Variants in KALRN observed in about 807,000 individuals in gnomAD.
KALRN encodes the protein kalirin RhoGEF kinase.
A neutral mutation model predicts 353.7 loss-of-function variants in KALRN; 70 were observed. The ratio of observed to expected loss-of-function variants is 0.20; its 90% CI spans 0.16 to 0.24. The LOEUF (loss-of-function observed/expected upper bound fraction) is 0.24. Ranked by LOEUF, KALRN falls within the 10% of genes least tolerant of loss-of-function variation. The probability of loss-of-function intolerance (pLI) is 1.00; values close to 1 mark genes in which losing one functional copy is unlikely to be tolerated. For missense variants in KALRN, 2,791 were observed against 3,756.7 expected (o/e 0.74, Z 6.72); for synonymous variants, 1,391 against 1,434.8 (o/e 0.97, Z 0.69).
chr3:124,197,557 A>T (rs182575389), intron 1 of KALRN, among the ~76,000 whole-genome samples: 25 of 152,286 alleles, frequency 1.6e-4, no homozygotes, highest in African/African-American at 5.3e-4. Context: ...GTGGGCAAGA[A>T]CTTTCCCACA....
chr3:124,614,760 C>T (rs1471976054), intron 34 of KALRN, among the ~76,000 whole-genome samples: 1 of 152,004 alleles, frequency 6.6e-6, no homozygotes, highest in African/African-American at 2.4e-5. Flanking sequence ...TTGGTAGGGA[C>T]AGGGTCTCAC....
intron 34 of KALRN, among the ~76,000 whole-genome samples, chr3:124,586,906 T>A (rs985176955): frequency 2.6e-5 from 4 of 151,994 alleles, no homozygotes; most frequent in African/African-American, 9.7e-5. Context: ...GTGTCTGAGG[T>A]GTTGGGCATG....
At chr3:124,594,945 TTCTTTC>T (rs1438642663) in intron 34 of KALRN, among the ~76,000 whole-genome samples, 1 of 152,082 alleles carries the variant, frequency 6.6e-6, no homozygotes, top group African/African-American at 2.4e-5. Flanking sequence ...TTTTTTCTTT[TTCTTTC>T]CTTTTTTTAA....
At chr3:124,716,252 G>A (rs143897196) in intron 58 of KALRN, among the ~76,000 whole-genome samples, 1 of 152,300 alleles carries the variant, frequency 6.6e-6, no homozygotes, top group East Asian at 1.9e-4. Flanking sequence ...AGCCGGGCAC[G>A]CTGGCTCATG....
chr3:124,188,230 A>G (rs1425353318), intron 1 of KALRN, among the ~76,000 whole-genome samples: 2 of 152,210 alleles, frequency 1.3e-5, no homozygotes, highest in East Asian at 1.9e-4. Context: ...CAGAGACTCT[A>G]TTCAGTAGGT....
chr3:124,169,384 G>T (rs1421511191), intron 1 of KALRN, among the ~76,000 whole-genome samples: 1 of 152,112 alleles, frequency 6.6e-6, no homozygotes, highest in Non-Finnish European at 1.5e-5. Flanking sequence ...CTCCCTACAG[G>T]GTAAGGGCTC....
intron 17 of KALRN, among the ~76,000 whole-genome samples, chr3:124,436,276 G>A (rs535063657): frequency 1.3e-5 from 2 of 152,260 alleles, no homozygotes; most frequent in East Asian, 1.9e-4. Flanking sequence ...CCTTGCCGAA[G>A]GTTACTTTAC....
At chr3:124,540,268 T>C (rs1196994769) in intron 33 of KALRN, among the ~76,000 whole-genome samples, 1 of 152,226 alleles carries the variant, frequency 6.6e-6, no homozygotes, top group Non-Finnish European at 1.5e-5. Flanking sequence ...AAATGAGCTA[T>C]GCAAAGAAGT....
chr3:124,723,389 A>G lies in KALRN; in HGVS notation c.*3919A>G, dbSNP rs900643170. On this transcript the variant is annotated 3_prime_UTR_variant, in exon 60 of 60. Coordinates refer to ENST00000682506, the MANE Select transcript of KALRN (RefSeq NM_001388419.1). The stretch of plus-strand genomic sequence containing the variant: ...TGTTTTTCCTTCCCCAAATGTCCCC[A>G]TTGGTAAAATGGGAGTTGGGGGATG... 1 of 152,262 alleles carries G rather than the reference A, an allele frequency of 6.6e-6. No homozygotes were observed. The highest frequency in any genetic ancestry group is 1.9e-4 in the East Asian group (1 of 5,192). The allele number at this position is 152,262 out of a possible 1,614,324, so 9.4% of individuals were successfully genotyped here.
intron 5 of KALRN, among the ~76,000 whole-genome samples, chr3:124,271,518 A>G (rs79322887): frequency 0.012 from 1,788 of 152,324 alleles, 34 homozygotes; most frequent in African/African-American, 0.04. Context: ...ATTGTATAGT[A>G]CATTGATAAT....
intron 19 of KALRN, 133 bp downstream of exon 19, chr3:124,442,192 G>T: frequency 1.8e-6 from 1 of 544,450 alleles, no homozygotes; most frequent in South Asian, 2.9e-5. Flanking sequence ...TATGATGTGG[G>T]ATGGTGTGGG....
At chr3:124,221,753 G>A (rs938525442) in intron 1 of KALRN, among the ~76,000 whole-genome samples, 1 of 152,116 alleles carries the variant, frequency 6.6e-6, no homozygotes, top group Middle Eastern at 3.2e-3. Context: ...TCAGATTGGG[G>A]GAAGGGTGGG....
intron 34 of KALRN, among the ~76,000 whole-genome samples, chr3:124,594,029 G>GA (rs2076048293): frequency 6.6e-6 from 1 of 151,844 alleles, no homozygotes; most frequent in Non-Finnish European, 1.5e-5. Flanking sequence ...GCTGACTACA[G>GA]AAAAAAATCA....
intron 1 of KALRN, among the ~76,000 whole-genome samples, chr3:124,214,077 A>G (rs1579473705): frequency 1.3e-5 from 2 of 152,294 alleles, no homozygotes; most frequent in South Asian, 2.1e-4. Context: ...ACATAGAAAA[A>G]AAGTTAAACA....
intron 38 of KALRN, among the ~76,000 whole-genome samples, chr3:124,654,782 G>A (rs1282652654): frequency 6.6e-6 from 1 of 152,138 alleles, no homozygotes; most frequent in Non-Finnish European, 1.5e-5. Context: ...TCATGGTCAG[G>A]TTACCTAATC....
chr3:124,138,751 C>T (rs759269015), intron 1 of KALRN, among the ~76,000 whole-genome samples: 3 of 152,148 alleles, frequency 2.0e-5, no homozygotes, highest in Non-Finnish European at 2.9e-5. Flanking sequence ...TCCCCTGGAC[C>T]ACTGAAGGGA....
intron 1 of KALRN, among the ~76,000 whole-genome samples, chr3:124,125,979 T>A (rs1037578744): frequency 5.3e-5 from 8 of 152,178 alleles, no homozygotes; most frequent in Non-Finnish European, 1.2e-4. Context: ...AGGAGGTGAC[T>A]CTACCACCTC....
intron 1 of KALRN, chr3:124,162,334 G>A (rs1035413413): frequency 6.6e-6 from 1 of 152,176 alleles, no homozygotes; most frequent in African/African-American, 2.4e-5. Flanking sequence ...AGGAGAGGCA[G>A]GAGTGAGAGC....
chr3:124,304,646 A>G (rs1431830351), intron 6 of KALRN, among the ~76,000 whole-genome samples: 1 of 152,242 alleles, frequency 6.6e-6, no homozygotes, highest in African/African-American at 2.4e-5. Context: ...ACAGCAAATG[A>G]AAAACATTTA....
Sources: allele counts gnomAD v4.1 joint callset (sites outside exome capture counted in the v4.1 genomes callset), GRCh38; gene constraint gnomAD v4.1.1; transcripts MANE v1.5; gene names NCBI Gene and HGNC (gene_info 2026-07-23, HGNC 2026-07-21).